The following SCFD1 variants were observed in gnomAD, a reference collection of about 807,000 sequenced individuals.
The protein encoded by SCFD1 is sec1 family domain containing 1.
In SCFD1, 37 loss-of-function variants were observed where a neutral mutation model predicts 103.2. That is an observed-to-expected ratio of 0.36 (90% CI 0.28 to 0.47). The LOEUF (loss-of-function observed/expected upper bound fraction) is 0.47, where lower values mean the gene tolerates loss of function less well. Among genes scored for constraint, SCFD1 ranks in the 20% least tolerant of loss-of-function variants. SCFD1 has a pLI of 1.00. For missense variants in SCFD1, 639 were observed against 761.2 expected, an observed-to-expected ratio of 0.84 and a Z score of 1.89; for synonymous variants, 264 against 245.0, an observed-to-expected ratio of 1.08 and a Z score of -0.73.
At chr14:30,718,009 T>C (rs745817349) in intron 20 of SCFD1, among the ~76,000 whole-genome samples, 7 of 152,136 alleles carry the variant, frequency 4.6e-5, no homozygotes, top group Non-Finnish European at 1.0e-4. Flanking sequence ...TGTAGTGCAA[T>C]GTAACTTACC....
At chr14:30,676,363 A>T (rs990641760) in intron 14 of SCFD1, 2 of 152,246 alleles carry the variant, frequency 1.3e-5, no homozygotes, top group African/African-American at 4.8e-5. Flanking sequence ...AGTGACAGTA[A>T]ACAGAGTAAG....
chr14:30,667,670 C>T (rs926519825), intron 10 of SCFD1, among the ~76,000 whole-genome samples: 4 of 152,102 alleles, frequency 2.6e-5, no homozygotes, highest in African/African-American at 9.7e-5. Context: ...TTGTCTCAGC[C>T]CAGAATCTCC....
intron 23 of SCFD1, 55 bp from the exon 24 acceptor site, chr14:30,734,735 A>T: frequency 7.9e-7 from 1 of 1,270,962 alleles, no homozygotes; most frequent in Non-Finnish European, 1.2e-6. Flanking sequence ...TTTCTTGGGA[A>T]TATTGAATAT....
chr14:30,658,251 G>A (rs889905915), intron 10 of SCFD1: 15 of 290,998 alleles, frequency 5.2e-5, no homozygotes, highest in South Asian at 9.9e-5. Context: ...ACATTAAATC[G>A]GAAGTTATAC....
intron 14 of SCFD1, chr14:30,683,560 G>A (rs1030681418): frequency 2.2e-5 from 6 of 267,776 alleles, no homozygotes; most frequent in Non-Finnish European, 4.3e-5. Flanking sequence ...GGGAGGCTGC[G>A]ATGCTAGTGG....
At chr14:30,691,766 G>T (rs1322123643) in intron 14 of SCFD1, among the ~76,000 whole-genome samples, 1 of 152,028 alleles carries the variant, frequency 6.6e-6, no homozygotes, top group Non-Finnish European at 1.5e-5. Flanking sequence ...AGTTGTTTTT[G>T]GACCCTATTT....
intron 15 of SCFD1, among the ~76,000 whole-genome samples, chr14:30,698,325 AT>A (rs1328851578): frequency 1.4e-4 from 22 of 152,212 alleles, no homozygotes; most frequent in African/African-American, 5.1e-4. Context: ...CCCTGTGGTT[AT>A]GTCATTATAA....
Position 30,630,584 on chromosome 14 carries a change from C to T in SCFD1, c.221+19C>T. The T allele has an allele frequency of 7.5e-7, 1 of 1,328,672 alleles. No homozygotes were observed. The highest frequency in any genetic ancestry group is 1.2e-5 in the South Asian group (1 of 84,684). 82.3% of individuals were successfully genotyped at this position (1,328,672 alleles called of 1,614,324 possible). ...TGCATCTGTGAGTTTTTACATATTTCTAATAGTGGTATTCATTTAAAGAAC... is the reference window on the plus strand; with the variant it reads ...TGCATCTGTGAGTTTTTACATATTTTTAATAGTGGTATTCATTTAAAGAAC... On this transcript the variant is annotated intron_variant, in intron 3 of 24. Transcript: ENST00000458591.
chr14:30,622,409 T>C lies in SCFD1; in HGVS notation c.61+10T>C. ...CGGGAAAGGCAGACAGGTACTGACT[T>C]ATTCTCTTCTCCTTGAAGCTTCGTG... On this transcript the variant is annotated intron_variant, in intron 1 of 24. Coordinates refer to ENST00000458591, the MANE Select transcript of SCFD1 (RefSeq NM_016106.4). 1 of 1,551,678 alleles carries C rather than the reference T, an allele frequency of 6.4e-7. No homozygotes were observed. Among genetic ancestry groups the C allele is most frequent in the Non-Finnish European group, 8.7e-7 (1 of 1,146,938 alleles).
chr14:30,694,947 T>G, intron 15 of SCFD1, 78 bp downstream of exon 15: 2 of 1,528,366 alleles, frequency 1.3e-6, no homozygotes, highest in Non-Finnish European at 1.7e-6. Context: ...AAACTTTGAA[T>G]AGAATTGTTG....
At chr14:30,653,652 A>T in intron 10 of SCFD1, 64 bp downstream of exon 10, 1 of 1,102,228 alleles carries the variant, frequency 9.1e-7, no homozygotes, top group Non-Finnish European at 1.3e-6. Context: ...CCTTTAATTT[A>T]AAATTAACAT....
chr14:30,709,530 C>T (rs980825431), intron 19 of SCFD1, among the ~76,000 whole-genome samples: 1 of 152,172 alleles, frequency 6.6e-6, no homozygotes, highest in East Asian at 1.9e-4. Flanking sequence ...CTGTGCCTGG[C>T]CTCATTATCC....
At chr14:30,632,046 G>GAAAAAAAAAAAAA (rs61645782) in intron 3 of SCFD1, among the ~76,000 whole-genome samples, 1 of 70,264 alleles carries the variant, frequency 1.4e-5, no homozygotes, top group Non-Finnish European at 2.6e-5. Context: ...AGATTCTGTT[G>GAAAAAAAAAAAAA]AAAAAAAAAA....
At chr14:30,622,593 A>T (rs1447487716) in intron 1 of SCFD1, 194 bp downstream of exon 1, 11 of 949,282 alleles carry the variant, frequency 1.2e-5, no homozygotes, top group Non-Finnish European at 1.5e-5. Flanking sequence ...GTGGTGCAGG[A>T]GAAGGAGCTT....
At chr14:30,724,101 G>GACT (rs1207138252) in intron 23 of SCFD1, among the ~76,000 whole-genome samples, 6 of 142,114 alleles carry the variant, frequency 4.2e-5, no homozygotes, top group Non-Finnish European at 9.1e-5. Flanking sequence ...AAAAAAGGCT[G>GACT]ACTGGTGTAA....
chr14:30,707,843 C>T, intron 18 of SCFD1, 147 bp from the exon 19 acceptor site: 2 of 729,452 alleles, frequency 2.7e-6, no homozygotes, highest in East Asian at 5.2e-5. Flanking sequence ...AGCAGAAATT[C>T]TCAAGACCCT....
rs1467650947 is a variant in SCFD1 at position 30,714,227 on chromosome 14, G to A, written c.1630-1697G>A. 4.6e-5 allele frequency among the ~76,000 whole-genome samples: 7 copies of A among 151,648 alleles called. No individual in the cohort carries two copies. In the East Asian group the frequency reaches 9.7e-4, roughly 21 times the overall value. ...AAATTAGCCGGGCGCAGTGGCGGGCGCCTGTAGTCCCAGCTACTCGGGAGG... is the reference window on the plus strand; with the variant it reads ...AAATTAGCCGGGCGCAGTGGCGGGCACCTGTAGTCCCAGCTACTCGGGAGG... On this transcript the variant is annotated intron_variant, in intron 19 of 24. Transcript: ENST00000458591.
chr14:30,627,780 T>C (rs1883655090), intron 1 of SCFD1, among the ~76,000 whole-genome samples: 1 of 147,648 alleles, frequency 6.8e-6, no homozygotes, highest in African/African-American at 2.5e-5. Flanking sequence ...AAGACTGATC[T>C]TTCTCACTAG....
Position 30,735,800 on chromosome 14 carries a change from T to G in SCFD1, c.*191T>G. The G allele has an allele frequency of 2.2e-6, 1 of 458,412 alleles. No individual in the cohort carries two copies. The highest frequency in any genetic ancestry group is 4.9e-5 in the South Asian group (1 of 20,508). 28.4% of individuals were successfully genotyped at this position (458,412 alleles called of 1,614,324 possible). The stretch of plus-strand genomic sequence containing the variant: ...TAAAAGAAACATTTCAGAAATAAAA[T>G]TTCAACATTGTTCATTTTCTCTGAT... On this transcript the variant is annotated 3_prime_UTR_variant, in exon 25 of 25. Coordinates refer to ENST00000458591, the MANE Select transcript of SCFD1 (RefSeq NM_016106.4).
Sources: gnomAD v4.1 joint callset for allele counts (sites outside exome capture counted in the v4.1 genomes callset) on GRCh38, gnomAD v4.1.1 for gene constraint, MANE v1.5 for transcripts, NCBI Gene and HGNC (gene_info 2026-07-23, HGNC 2026-07-21) for gene names.